ZNF385D: variants seen among roughly 807,000 people sequenced by gnomAD.
ZNF385D encodes the protein zinc finger protein 659.
Under a neutral mutation model 35.8 loss-of-function variants are expected in ZNF385D, and 15 were observed. The ratio of observed to expected loss-of-function variants is 0.42; its 90% CI spans 0.28 to 0.64. The LOEUF is 0.64. Among genes scored for constraint, ZNF385D ranks in the 30% least tolerant of loss-of-function variants. ZNF385D has a pLI of 0.23. For synonymous variants in ZNF385D, 212 were observed against 186.8 expected, an observed-to-expected ratio of 1.13 and a Z score of -1.10; for missense variants, 474 against 494.6, an observed-to-expected ratio of 0.96 and a Z score of 0.39.
At chr3:21,591,971 C>A (rs780452256) in intron 2 of ZNF385D, among the ~76,000 whole-genome samples, 1 of 152,086 alleles carries the variant, frequency 6.6e-6, no homozygotes, top group African/African-American at 2.4e-5. Context: ...TATTACAGTT[C>A]ATCTTTACTG....
At chr3:21,898,474 A>G (rs1057264021) in intron 3 of ZNF385D, among the ~76,000 whole-genome samples, 7 of 152,060 alleles carry the variant, frequency 4.6e-5, no homozygotes, top group African/African-American at 7.2e-5. Flanking sequence ...ATTTTTTTCT[A>G]TGTATAGTTC....
At chr3:21,900,248 C>A (rs1000727098) in intron 3 of ZNF385D, among the ~76,000 whole-genome samples, 2 of 152,108 alleles carry the variant, frequency 1.3e-5, no homozygotes, top group African/African-American at 4.8e-5. Context: ...GGAGCCACGT[C>A]TCACCTTATT....
intron 2 of ZNF385D, among the ~76,000 whole-genome samples, chr3:22,200,978 A>G (rs143367696): frequency 0.011 from 1,707 of 152,184 alleles, 23 homozygotes; most frequent in East Asian, 0.057. Flanking sequence ...TCAAACACAC[A>G]TGCTGTACAA....
intron 3 of ZNF385D, among the ~76,000 whole-genome samples, chr3:21,937,898 C>T (rs1261705270): frequency 1.3e-5 from 2 of 152,240 alleles, no homozygotes. Flanking sequence ...TCATTAATGT[C>T]TTAAGCAAAA....
chr3:21,845,355 G>T (rs772738187), intron 3 of ZNF385D, among the ~76,000 whole-genome samples: 5 of 151,944 alleles, frequency 3.3e-5, no homozygotes, highest in Non-Finnish European at 5.9e-5. Flanking sequence ...ATAAACTCAG[G>T]CATAAAAGCA....
At chr3:22,360,806 G>A (rs992980042) in intron 2 of ZNF385D, among the ~76,000 whole-genome samples, 1 of 151,970 alleles carries the variant, frequency 6.6e-6, no homozygotes, top group African/African-American at 2.4e-5. Flanking sequence ...CCTTTAGTGG[G>A]AATTTATGAA....
intron 2 of ZNF385D, among the ~76,000 whole-genome samples, chr3:21,648,014 A>T (rs1291847269): frequency 6.6e-6 from 1 of 152,212 alleles, no homozygotes; most frequent in Non-Finnish European, 1.5e-5. Context: ...AATCTCATTT[A>T]TGAGGATGTT....
At chr3:22,152,124 A>C (rs12715027) in intron 3 of ZNF385D, among the ~76,000 whole-genome samples, 55,174 of 151,936 alleles carry the variant, frequency 0.36, 10,495 homozygotes, top group South Asian at 0.5. Context: ...CTGTTCCTGC[A>C]TTAGTATGCT....
chr3:22,144,626 A>AT (rs1312737876), intron 3 of ZNF385D, among the ~76,000 whole-genome samples: 1 of 139,978 alleles, frequency 7.1e-6, no homozygotes, highest in African/African-American at 2.6e-5. Context: ...ACTTACTTTT[A>AT]TTTTTAGTGA....
chr3:21,585,165 T>C (rs1407797436), intron 2 of ZNF385D, among the ~76,000 whole-genome samples: 2 of 152,170 alleles, frequency 1.3e-5, no homozygotes, highest in African/African-American at 4.8e-5. Flanking sequence ...ATACCTGACA[T>C]CAATAAAGTT....
At chr3:21,984,630 G>A (rs1189380750) in intron 3 of ZNF385D, among the ~76,000 whole-genome samples, 17 of 92,898 alleles carry the variant, frequency 1.8e-4, no homozygotes, top group Admixed American at 6.4e-4. Context: ...TTTGGCTTAG[G>A]ATTGACTTGG....
chr3:21,688,644 T>C (rs2067184907), intron 1 of ZNF385D, among the ~76,000 whole-genome samples: 2 of 152,210 alleles, frequency 1.3e-5, no homozygotes. Flanking sequence ...ATAAACTGTC[T>C]TTTAAATCCA....
At chr3:21,942,960 C>A (rs2125278524) in intron 3 of ZNF385D, among the ~76,000 whole-genome samples, 1 of 152,228 alleles carries the variant, frequency 6.6e-6, no homozygotes, top group Middle Eastern at 3.4e-3. Context: ...TATAACTTAA[C>A]CCTTCTAGGT....
At chr3:21,543,741 T>G (rs764922634) in intron 3 of ZNF385D, among the ~76,000 whole-genome samples, 1 of 152,236 alleles carries the variant, frequency 6.6e-6, no homozygotes, top group East Asian at 1.9e-4. Context: ...AGTTTCTTTT[T>G]TTCTTTCTTT....
At position 21,436,993 on chromosome 3, in the gene ZNF385D, G is replaced by A. The variant is rs376185989; in HGVS notation, c.650C>T (p.Ser217Leu). 9 of 1,613,872 alleles carry A rather than the reference G, an allele frequency of 5.6e-6. No homozygotes were observed. Among genetic ancestry groups the A allele is most frequent in the Non-Finnish European group, 7.6e-6 (9 of 1,179,860 alleles). ...SLCKVAVNSA[S>L]QLEAHNSGTK... ...ACCACTGTTGTGCGCCTCCAGCTGC[G>A]AGGCAGAGTTGACAGCAACCTTGCA... Residue 217 changes from serine to leucine, a missense_variant, in exon 5 of 8, where the codon TCG (serine) becomes TTG (leucine). By Grantham distance (145) the Ser-to-Leu change is moderately radical. Coordinates refer to ENST00000281523, the MANE Select transcript of ZNF385D (RefSeq NM_024697.3).
intron 4 of ZNF385D, among the ~76,000 whole-genome samples, chr3:21,494,820 T>C (rs1260935374): frequency 6.6e-6 from 1 of 152,184 alleles, no homozygotes; most frequent in Non-Finnish European, 1.5e-5. Context: ...GTACTCAATG[T>C]TGATTAAATG....
chr3:21,855,866 T>A (rs551325296), intron 3 of ZNF385D, among the ~76,000 whole-genome samples: 1 of 96,242 alleles, frequency 1.0e-5, no homozygotes, highest in Non-Finnish European at 2.4e-5. Flanking sequence ...ATCCTATGAT[T>A]TTTTTTTTAG....
chr3:21,635,304 G>A (rs1168838801), intron 2 of ZNF385D, among the ~76,000 whole-genome samples: 1 of 152,032 alleles, frequency 6.6e-6, no homozygotes, highest in Non-Finnish European at 1.5e-5. Context: ...TCTCTAATAG[G>A]TAAAATGTAT....
intron 3 of ZNF385D, among the ~76,000 whole-genome samples, chr3:21,816,547 G>A (rs978032644): frequency 4.6e-5 from 7 of 152,104 alleles, no homozygotes; most frequent in Non-Finnish European, 1.5e-5. Context: ...CAGACAGAGA[G>A]CCAAATCATG....
Sources: allele counts gnomAD v4.1 joint callset (sites outside exome capture counted in the v4.1 genomes callset), GRCh38; gene constraint gnomAD v4.1.1; transcripts MANE v1.5; gene names NCBI Gene and HGNC (gene_info 2026-07-23, HGNC 2026-07-21).